The following SLC6A6 variants were observed in gnomAD, a reference collection of about 807,000 sequenced individuals.
SLC6A6 encodes solute carrier family 6 member 6.
In SLC6A6, 16 loss-of-function variants were observed where a neutral mutation model predicts 68.8. The observed-to-expected ratio is 0.23, with a 90% CI of 0.16 to 0.35. The LOEUF is 0.35. SLC6A6 is among the 10% of genes least tolerant of loss of function. The pLI is 1.00. For missense variants in SLC6A6, 474 were observed against 802.8 expected, an observed-to-expected ratio of 0.59 and a Z score of 4.95; for synonymous variants, 312 against 315.4, an observed-to-expected ratio of 0.99 and a Z score of 0.12.
chr3:14,482,938 C>T (rs1701041785), intron 14 of SLC6A6, among the ~76,000 whole-genome samples: 1 of 152,146 alleles, frequency 6.6e-6, no homozygotes, highest in African/African-American at 2.4e-5. Flanking sequence ...TACTCCAGGC[C>T]AACCCAACCA....
rs374678982 is a variant in SLC6A6 at position 14,454,330 on chromosome 3, C to T, written c.600-3620C>T. Among the ~76,000 whole-genome samples, 39 of 152,286 alleles carry T rather than the reference C, an allele frequency of 2.6e-4. No individual in the cohort carries two copies. In the East Asian group the frequency reaches 5.4e-3, roughly 21 times the overall value. ...ACACTGTGGGGAGCCTGTGCAGCTT[C>T]CTCCTGGGGTACTTAGGAGGCACAG... On this transcript the variant is annotated intron_variant, in intron 5 of 14. Coordinates refer to ENST00000622186, the MANE Select transcript of SLC6A6 (RefSeq NM_003043.6).
At chr3:14,410,658 C>T (rs868443108) in intron 1 of SLC6A6, among the ~76,000 whole-genome samples, 1 of 152,248 alleles carries the variant, frequency 6.6e-6, no homozygotes, top group African/African-American at 2.4e-5. Context: ...GGGTTCTGCT[C>T]ACATCGGGTC....
At chr3:14,464,365 C>T (rs1204462955) in intron 6 of SLC6A6, among the ~76,000 whole-genome samples, 3 of 152,184 alleles carry the variant, frequency 2.0e-5, no homozygotes, top group Non-Finnish European at 1.5e-5. Flanking sequence ...TGGACTCTCT[C>T]TGGGCCTCAG....
At chr3:14,460,723 GC>G (rs1700475490) in intron 6 of SLC6A6, among the ~76,000 whole-genome samples, 1 of 152,258 alleles carries the variant, frequency 6.6e-6, no homozygotes, top group African/African-American at 2.4e-5. Flanking sequence ...CTCACCCTTA[GC>G]AACAACCTCC....
intron 2 of SLC6A6, among the ~76,000 whole-genome samples, chr3:14,423,122 G>A (rs1699519488): frequency 6.6e-6 from 1 of 152,254 alleles, no homozygotes; most frequent in Non-Finnish European, 1.5e-5. Flanking sequence ...GACACCCTTA[G>A]TAATGGGCAT....
chr3:14,436,980 A>T (rs1217429676), intron 2 of SLC6A6, among the ~76,000 whole-genome samples: 1 of 152,154 alleles, frequency 6.6e-6, no homozygotes, highest in African/African-American at 2.4e-5. Flanking sequence ...GATCCATAGC[A>T]GCTACAGTAG....
intron 2 of SLC6A6, among the ~76,000 whole-genome samples, chr3:14,427,555 A>G (rs1311986903): frequency 6.6e-6 from 1 of 152,136 alleles, no homozygotes; most frequent in African/African-American, 2.4e-5. Flanking sequence ...AATAATGCCT[A>G]AAGGAGGGGT....
rs1036212941 is a variant in SLC6A6 at position 14,488,972 on chromosome 3, C to T, written c.*3965C>T. The T allele has an allele frequency of 6.6e-6, 1 of 152,208 alleles. No individual in the cohort carries two copies. The highest frequency in any genetic ancestry group is 1.5e-5 in the Non-Finnish European group (1 of 67,994). The allele number at this position is 152,208 out of a possible 1,614,324, so 9.4% of individuals were successfully genotyped here. ...AGCAACTGTGACTCTGTATTTAGCA[C>T]AAGAGAAAGCTGAGAATGTGGGTCT... On this transcript the variant is annotated 3_prime_UTR_variant, in exon 15 of 15. Transcript: ENST00000622186.
chr3:14,484,905 C>CTGGG lies in SLC6A6; in HGVS notation c.1762_1765dup (p.Ala589ValfsTer55). On this transcript the variant is annotated frameshift_variant, in exon 15 of 15. Transcript: ENST00000622186. LOFTEE classifies it high-confidence loss of function. ...TGCTGACCCCAAGGGAACCCAACCGCTGGGCTGTGGAGCGCGAGGGAGCCA... is the reference window on the plus strand; with the variant it reads ...TGCTGACCCCAAGGGAACCCAACCGCTGGGTGGGCTGTGGAGCGCGAGGGAGCCA... 6.2e-7 allele frequency: 1 copy of CTGGG among 1,612,306 alleles called. No individual in the cohort carries two copies. Among genetic ancestry groups the CTGGG allele is most frequent in the Non-Finnish European group, 8.5e-7 (1 of 1,180,004 alleles).
At chr3:14,443,940 G>A in intron 3 of SLC6A6, 77 bp downstream of exon 3, 1 of 1,039,946 alleles carries the variant, frequency 9.6e-7, no homozygotes, top group Non-Finnish European at 1.5e-6. Context: ...ACCAGAGCGT[G>A]GGTGGCCTCT....
At chr3:14,441,981 G>A (rs1228511421) in intron 2 of SLC6A6, among the ~76,000 whole-genome samples, 2 of 152,246 alleles carry the variant, frequency 1.3e-5, no homozygotes, top group South Asian at 2.1e-4. Flanking sequence ...ACAGGGAAGC[G>A]AGGAATTGAA....
intron 5 of SLC6A6, among the ~76,000 whole-genome samples, 174 bp from the exon 6 acceptor site, chr3:14,457,776 A>T (rs1221970928): frequency 6.6e-6 from 1 of 152,152 alleles, no homozygotes; most frequent in Non-Finnish European, 1.5e-5. Flanking sequence ...TTTCTTTCCA[A>T]CAACTCTGTC....
chr3:14,463,933 G>A (rs1398449077), intron 6 of SLC6A6, among the ~76,000 whole-genome samples: 1 of 152,242 alleles, frequency 6.6e-6, no homozygotes, highest in Non-Finnish European at 1.5e-5. Context: ...CATCGAGCAA[G>A]GTCAGCGTTC....
intron 10 of SLC6A6, among the ~76,000 whole-genome samples, chr3:14,473,028 T>A (rs1440583167): frequency 1.3e-5 from 2 of 152,178 alleles, no homozygotes; most frequent in Non-Finnish European, 2.9e-5. Flanking sequence ...ATCCCACCCC[T>A]TCAGGGCTCA....
chr3:14,481,701 G>A lies in SLC6A6; in HGVS notation c.1582G>A (p.Val528Ile), dbSNP rs141254266. ...GCFIFSLVKY[V>I]PLTYNKTYVY... ...TTTCATCTTCTCGCTCGTCAAGTAC[G>A]TACCCCTGACCTACAACAAAACATA... The change falls in exon 14 of 15, where the codon GTA becomes ATA. Residue 528 changes from valine to isoleucine, a missense_variant. Around this residue, in one of 2 missense-constraint regions of SLC6A6, gnomAD observed 194 missense variants for 269.8 expected, o/e 0.72. Coordinates refer to ENST00000622186, the MANE Select transcript of SLC6A6 (RefSeq NM_003043.6). The surrounding 1 kb of genome is among the most constrained non-coding windows in gnomAD (Gnocchi z 4.7). The A allele has an allele frequency of 5.7e-5, 92 of 1,613,066 alleles. No homozygotes were observed. Among genetic ancestry groups the A allele is most frequent in the African/African-American group, 3.2e-4 (24 of 74,758 alleles).
intron 5 of SLC6A6, 57 bp downstream of exon 5, chr3:14,447,873 C>T: frequency 1.3e-6 from 2 of 1,596,476 alleles, no homozygotes; most frequent in Non-Finnish European, 8.5e-7. Context: ...AGAGGATGGC[C>T]CACTTCCTTA....
chr3:14,464,554 T>A (rs1700572961), intron 6 of SLC6A6, among the ~76,000 whole-genome samples: 2 of 152,188 alleles, frequency 1.3e-5, no homozygotes, highest in South Asian at 4.1e-4. Context: ...CCTGAAAGCT[T>A]CCTTTTTGCC....
chr3:14,450,145 T>C lies in SLC6A6; in HGVS notation c.599+2329T>C, dbSNP rs557075443. On this transcript the variant is annotated intron_variant, in intron 5 of 14. Coordinates refer to ENST00000622186, the MANE Select transcript of SLC6A6 (RefSeq NM_003043.6). This position sits in a 1 kb window ranked among gnomAD's most constrained non-coding sequence, Gnocchi z 4.1. ...GTTATGAACTTAAAGAATCACCCCC[T>C]ATTGTAAAGGGGTCATCCTCTTCTG... Among the ~76,000 whole-genome samples the C allele has an allele frequency of 6.6e-6, 1 of 152,100 alleles. No homozygotes were observed. Among genetic ancestry groups the C allele is most frequent in the African/African-American group, 2.4e-5 (1 of 41,478 alleles).
chr3:14,447,555 T>C lies in SLC6A6; in HGVS notation c.365-27T>C, dbSNP rs747537141. ...GTGGGTCTGGCCTCCCTCAGATGTT[T>C]ACTCATCTCATTTGCCCAACCTGCA... is the stretch of plus-strand genomic sequence containing the variant. On this transcript the variant is annotated intron_variant, in intron 4 of 14. Transcript: ENST00000622186. 9 of 1,613,168 alleles carry C rather than the reference T, an allele frequency of 5.6e-6. No homozygotes were observed. The African/African-American group carries it at 1.2e-4, about 22-fold the overall frequency.
Sources: gnomAD v4.1 joint callset for allele counts (sites outside exome capture counted in the v4.1 genomes callset) on GRCh38, gnomAD v4.1.1 for gene constraint, gnomAD v4.1.1 regional missense constraint, Gnocchi (gnomAD v3.1) non-coding constraint, MANE v1.5 for transcripts, NCBI Gene and HGNC (gene_info 2026-07-23, HGNC 2026-07-21) for gene names.